KIAA1755: variants seen among roughly 807,000 people sequenced by gnomAD.
KIAA1755 encodes the protein KIAA1755, also known as uncharacterized protein KIAA1755.
KIAA1755 carries 68 observed loss-of-function variants against 91.7 expected under a neutral mutation model. The ratio of observed to expected loss-of-function variants is 0.74; its 90% confidence interval spans 0.61 to 0.91. The LOEUF is 0.91. Ranked by LOEUF, KIAA1755 falls within the 40% of genes least tolerant of loss-of-function variation. The probability of loss-of-function intolerance (pLI) is 0.00; values close to 1 mark genes in which losing one functional copy is unlikely to be tolerated. For synonymous variants in KIAA1755, 610 were observed against 604.6 expected (o/e 1.01, Z -0.13); for missense variants, 1,535 against 1,494.4 (o/e 1.03, Z -0.45).
At chr20:38,242,371 T>A (rs750666200) in intron 2 of KIAA1755, among the ~76,000 whole-genome samples, 1 of 152,220 alleles carries the variant, frequency 6.6e-6, no homozygotes, top group African/African-American at 2.4e-5. Context: ...AATTTCCCTA[T>A]CTGCAAATAG....
chr20:38,213,466 G>A lies in KIAA1755; in HGVS notation c.3179C>T (p.Ala1060Val). 1 of 1,605,504 alleles carries A rather than the reference G, an allele frequency of 6.2e-7. No homozygotes were observed. Among genetic ancestry groups the A allele is most frequent in the Non-Finnish European group, 8.5e-7 (1 of 1,176,134 alleles). Residue 1060 changes from alanine to valine, a missense_variant, in exon 14 of 14, where the codon GCT becomes GTT. By Grantham distance (64) the Ala-to-Val change is moderately conservative. Coordinates refer to ENST00000279024, the MANE Select transcript of KIAA1755 (RefSeq NM_001029864.2). ...KALTHSSCPE[A>V]PAAHSARPER... ...TGGGCGCGCTGAGTGAGCAGCTGGA[G>A]CCTCTGGGCAAGAGCTGTGGGTCAG...
intron 2 of KIAA1755, among the ~76,000 whole-genome samples, chr20:38,242,360 C>T (rs866200051): frequency 2.6e-5 from 4 of 152,172 alleles, no homozygotes; most frequent in African/African-American, 7.2e-5. Context: ...CTTTGAGCCC[C>T]AATTTCCCTA....
chr20:38,223,211 C>G, intron 9 of KIAA1755: 1 of 208,246 alleles, frequency 4.8e-6, no homozygotes, highest in South Asian at 8.0e-5. Flanking sequence ...AGAGGCCCTC[C>G]TCCCTCCCTC....
At chr20:38,250,405 G>A (rs1052527648) in intron 1 of KIAA1755, among the ~76,000 whole-genome samples, 4 of 151,820 alleles carry the variant, frequency 2.6e-5, no homozygotes, top group African/African-American at 9.7e-5. Flanking sequence ...CTCTGCACAG[G>A]ACTAGAATTT....
intron 2 of KIAA1755, among the ~76,000 whole-genome samples, chr20:38,244,260 T>A (rs2076116425): frequency 6.6e-6 from 1 of 152,106 alleles, no homozygotes; most frequent in South Asian, 2.1e-4. Context: ...CATGAAATAG[T>A]GTCATGTGGA....
chr20:38,260,232 G>C (rs984671282), intron 1 of KIAA1755: 5 of 1,524,040 alleles, frequency 3.3e-6, no homozygotes, highest in East Asian at 2.5e-5. Flanking sequence ...CAGGTCTAGG[G>C]GTTGGGGAAT....
chr20:38,254,604 A>G (rs2076307564), intron 1 of KIAA1755, among the ~76,000 whole-genome samples: 1 of 152,096 alleles, frequency 6.6e-6, no homozygotes, highest in Non-Finnish European at 1.5e-5. Flanking sequence ...CCTGGCCAAC[A>G]TAGTGACAGC....
rs1568734582 is a variant in KIAA1755, at chr20:38,219,672, C to T, written c.2514G>A (p.Glu838=). The change falls in exon 11 of 14, where the codon GAG becomes GAA. Residue 838 remains glutamate (E), a synonymous_variant. Coordinates refer to ENST00000279024, the MANE Select transcript of KIAA1755 (RefSeq NM_001029864.2). The part of the protein sequence containing the change: ...TASNSLLGKL[E]LRVRLGRLEA... The stretch of plus-strand genomic sequence containing the variant: ...CCAGGCGGCCCAGGCGGACACGGAG[C>T]TCCAGCTTCCCCAGGAGGCTGTTGG... 1 of 1,614,186 alleles carries T rather than the reference C, an allele frequency of 6.2e-7. No individual in the cohort carries two copies. The highest frequency in any genetic ancestry group is 8.5e-7 in the Non-Finnish European group (1 of 1,180,044).
intron 1 of KIAA1755, among the ~76,000 whole-genome samples, chr20:38,246,522 G>T (rs115152121): frequency 1.3e-5 from 2 of 152,132 alleles, no homozygotes; most frequent in Admixed American, 1.3e-4. Context: ...CAGTCTGACC[G>T]CCTGGCTGGC....
chr20:38,216,894 T>G, intron 13 of KIAA1755: 1 of 506,462 alleles, frequency 2.0e-6, no homozygotes, highest in Non-Finnish European at 3.9e-6. Context: ...GGATCTGTCG[T>G]CATTTCTCTT....
intron 1 of KIAA1755, among the ~76,000 whole-genome samples, chr20:38,250,357 G>T (rs551517849): frequency 6.6e-6 from 1 of 152,092 alleles, no homozygotes; most frequent in African/African-American, 2.4e-5. Flanking sequence ...TTAAGGAGTT[G>T]ATCAAGATTG....
At chr20:38,229,431 G>T (rs2075822459) in intron 5 of KIAA1755, among the ~76,000 whole-genome samples, 1 of 152,198 alleles carries the variant, frequency 6.6e-6, no homozygotes, top group South Asian at 2.1e-4. Flanking sequence ...GCTCTGGGAG[G>T]TGATTTCAAG....
At chr20:38,216,893 G>C (rs775947071) in intron 13 of KIAA1755, 3 of 509,322 alleles carry the variant, frequency 5.9e-6, no homozygotes, top group Non-Finnish European at 1.1e-5. Context: ...GGGATCTGTC[G>C]TCATTTCTCT....
chr20:38,231,131 G>A, intron 5 of KIAA1755, 71 bp downstream of exon 5: 1 of 1,480,640 alleles, frequency 6.8e-7, no homozygotes, highest in Non-Finnish European at 9.1e-7. Context: ...TCCACTCAGT[G>A]TCTGGTCCAG....
intron 4 of KIAA1755, among the ~76,000 whole-genome samples, chr20:38,237,383 T>G (rs970848960): frequency 1.1e-4 from 16 of 152,008 alleles, no homozygotes; most frequent in African/African-American, 3.6e-4. Context: ...GTGTGGATTT[T>G]TCCAGCTTCG....
intron 2 of KIAA1755, 107 bp downstream of exon 2, chr20:38,245,822 C>A: frequency 9.8e-7 from 1 of 1,018,414 alleles, no homozygotes; most frequent in East Asian, 2.4e-5. Context: ...ACCCTCAGCT[C>A]CCCGTGAAAC....
chr20:38,260,448 T>G, intron 1 of KIAA1755, 50 bp downstream of exon 1: 1 of 1,529,500 alleles, frequency 6.5e-7, no homozygotes, highest in Non-Finnish European at 8.8e-7. Context: ...GGGAGGGCTG[T>G]GCCCACTGAA....
Position 38,225,764 on chromosome 20 carries a change from T to C in KIAA1755, c.2070A>G (p.Ser690=). Residue 690 remains serine, a synonymous_variant, in exon 8 of 14, where the codon TCA becomes TCG. Transcript: ENST00000279024. ...CCACATGGTGGCTGAGGGCCTTCAA[T>C]GAGGTCAGCACCTCCACCTGCAGAC... ...LPDVQVEVLT[S]LKALSHHVDP... is the part of the protein sequence containing the mutation. 6.3e-7 allele frequency: 1 copy of C among 1,586,108 alleles called. No homozygotes were observed. The highest frequency in any genetic ancestry group is 8.6e-7 in the Non-Finnish European group (1 of 1,167,912).
intron 13 of KIAA1755, among the ~76,000 whole-genome samples, chr20:38,214,482 T>C (rs1014850610): frequency 6.6e-6 from 1 of 152,162 alleles, no homozygotes; most frequent in African/African-American, 2.4e-5. Flanking sequence ...TCAGGCAGGA[T>C]TGCACTGAAC....
Sources: allele counts gnomAD v4.1 joint callset (sites outside exome capture counted in the v4.1 genomes callset), GRCh38; gene constraint gnomAD v4.1.1; transcripts MANE v1.5; gene names NCBI Gene and HGNC (gene_info 2026-07-23, HGNC 2026-07-21).